Variants in SPDYE4 observed in about 807,000 individuals in gnomAD.
SPDYE4 encodes speedy/RINGO cell cycle regulator family member E4.
Under a neutral mutation model 37.5 loss-of-function variants are expected in SPDYE4, and 30 were observed. The ratio of observed to expected loss-of-function variants is 0.80; its 90% CI spans 0.60 to 1.09. The LOEUF is 1.09. Ranked by LOEUF, SPDYE4 falls within the 50% of genes least tolerant of loss-of-function variation. The pLI is 0.00. For synonymous variants in SPDYE4, 131 were observed against 120.3 expected, an observed-to-expected ratio of 1.09 and a Z score of -0.58; for missense variants, 300 against 307.9, an observed-to-expected ratio of 0.97 and a Z score of 0.19.
At chr17:8,748,299 C>T, downstream of SPDYE4, among the ~76,000 whole-genome samples, 1 of 152,264 alleles carries the variant, frequency 6.6e-6, no homozygotes. Context: ...CTTTCTCTCT[C>T]TTTGCTCTCT....
chr17:8,756,448 G>A lies in SPDYE4; in HGVS notation c.341-12C>T, dbSNP rs751306597. 1 of 1,613,852 alleles carries A rather than the reference G, an allele frequency of 6.2e-7. No homozygotes were observed. Among genetic ancestry groups the A allele is most frequent in the Non-Finnish European group, 8.5e-7 (1 of 1,179,778 alleles). On this transcript the variant is annotated splice_polypyrimidine_tract_variant and intron_variant, in intron 2 of 6. Coordinates refer to ENST00000689094, the MANE Select transcript of SPDYE4 (RefSeq NM_001394956.1). ...AACGACAGGATCCCCTGTGAAAAGA[G>A]AGCCTGTGTCAGGGTGAGAAGTGGA...
chr17:8,755,424 A>C, intron 4 of SPDYE4, 96 bp downstream of exon 4: 1 of 1,393,576 alleles, frequency 7.2e-7, no homozygotes, highest in Admixed American at 1.9e-5. Context: ...AAAGAGGAGA[A>C]GTAGGGTAAA....
chr17:8,755,412 G>C, intron 4 of SPDYE4, 108 bp downstream of exon 4: 2 of 1,320,922 alleles, frequency 1.5e-6, no homozygotes, highest in Non-Finnish European at 2.1e-6. Context: ...TATATACAGA[G>C]TAAAGAGGAG....
Position 8,757,465 on chromosome 17 carries a change from G to C in SPDYE4, c.137C>G (p.Pro46Arg), listed in dbSNP as rs1047890478. 74 of 1,606,482 alleles carry C rather than the reference G, an allele frequency of 4.6e-5. No homozygotes were observed. Among genetic ancestry groups the C allele is most frequent in the Non-Finnish European group, 5.9e-5 (69 of 1,176,370 alleles). Residue 46 changes from proline (P) to arginine (R), a missense_variant, in exon 2 of 7, where the codon CCT becomes CGT. By Grantham distance (103) the Pro-to-Arg change is moderately radical. Transcript: ENST00000689094. ...CTTCCTTTTCAGGCCAAGGGATTGAGGCTGGGGGCTGGGATCTATCCAAGG... is the reference window on the plus strand; with the variant it reads ...CTTCCTTTTCAGGCCAAGGGATTGACGCTGGGGGCTGGGATCTATCCAAGG... Reference protein sequence around the residue: ...SAPWIDPSPQPQSLGLKRKSE... With the variant: ...SAPWIDPSPQRQSLGLKRKSE...
intron 6 of SPDYE4, among the ~76,000 whole-genome samples, 172 bp from the exon 7 acceptor site, chr17:8,752,409 A>G (rs2086734408): frequency 6.6e-6 from 1 of 152,116 alleles, no homozygotes; most frequent in Non-Finnish European, 1.5e-5. Context: ...TGATTCTGGT[A>G]CTCACACTTT....
At chr17:8,750,325 G>T (rs2086719239), downstream of SPDYE4, among the ~76,000 whole-genome samples, 1 of 152,058 alleles carries the variant, frequency 6.6e-6, no homozygotes, top group Non-Finnish European at 1.5e-5. Flanking sequence ...GGAGGTGGAG[G>T]TTGCAGTGAG....
downstream of SPDYE4, among the ~76,000 whole-genome samples, chr17:8,750,069 C>A (rs1426772225): frequency 6.6e-6 from 1 of 152,158 alleles, no homozygotes; most frequent in Non-Finnish European, 1.5e-5. Flanking sequence ...ACCCGAGATA[C>A]TTCCCTCCTG....
chr17:8,748,962 C>A (rs1353664030), downstream of SPDYE4, among the ~76,000 whole-genome samples: 1 of 152,176 alleles, frequency 6.6e-6, no homozygotes, highest in Non-Finnish European at 1.5e-5. Flanking sequence ...GCTTTCCCTC[C>A]TTCTAGGCTT....
chr17:8,757,137 C>T, intron 2 of SPDYE4, 125 bp downstream of exon 2: 2 of 843,854 alleles, frequency 2.4e-6, no homozygotes, highest in Non-Finnish European at 3.7e-6. Context: ...TAAGCATCCT[C>T]CTCCTGCATG....
intron 6 of SPDYE4, among the ~76,000 whole-genome samples, chr17:8,752,802 T>C (rs2086737980): frequency 6.6e-6 from 1 of 152,148 alleles, no homozygotes; most frequent in African/African-American, 2.4e-5. Context: ...ACCTAGGTAG[T>C]ATTCTCATTT....
rs2151146202 is a variant in SPDYE4 at position 8,757,461 on chromosome 17, T to C, written c.141A>G (p.Gln47=). Residue 47 remains glutamine (Q), a synonymous_variant, in exon 2 of 7, where the codon CAA becomes CAG. Coordinates refer to ENST00000689094, the MANE Select transcript of SPDYE4 (RefSeq NM_001394956.1). ...CGCTCTTCCTTTTCAGGCCAAGGGA[T>C]TGAGGCTGGGGGCTGGGATCTATCC... ...APWIDPSPQP[Q]SLGLKRKSEW... is the part of the protein sequence containing the mutation. 6.2e-7 allele frequency: 1 copy of C among 1,606,326 alleles called. No homozygotes were observed. Among genetic ancestry groups the C allele is most frequent in the Non-Finnish European group, 8.5e-7 (1 of 1,176,240 alleles).
intron 3 of SPDYE4, among the ~76,000 whole-genome samples, chr17:8,755,858 A>G (rs2086768018): frequency 6.6e-6 from 1 of 151,708 alleles, no homozygotes; most frequent in Non-Finnish European, 1.5e-5. Flanking sequence ...CTGGAGGGAG[A>G]GTGTCTAGGG....
chr17:8,754,419 A>T (rs1028943247), intron 4 of SPDYE4, among the ~76,000 whole-genome samples: 1 of 152,134 alleles, frequency 6.6e-6, no homozygotes, highest in Non-Finnish European at 1.5e-5. Context: ...ACTAAAAATC[A>T]TAAAAACTGG....
At chr17:8,752,475 G>A (rs1048481419) in intron 6 of SPDYE4, among the ~76,000 whole-genome samples, 1 of 152,160 alleles carries the variant, frequency 6.6e-6, no homozygotes, top group Non-Finnish European at 1.5e-5. Flanking sequence ...CCAGTGATCT[G>A]CTTCATAGCA....
In SPDYE4 at chr17:8,755,540, G is replaced by A. The variant is rs1432157889; in HGVS notation, c.465C>T (p.Arg155=). 3 of 1,611,884 alleles carry A rather than the reference G, an allele frequency of 1.9e-6. No homozygotes were observed. The highest frequency in any genetic ancestry group is 2.7e-5 in the African/African-American group (2 of 74,972). ...CTCACAGAGCCAGGAAGAAATGAAT[G>A]CGTTGGTATTGCCACGAGAAGAGGC... is the stretch of plus-strand genomic sequence containing the variant. ...RAGLFSWQYQ[R]IHFFLALYLA... The change falls in exon 4 of 7, where the codon CGC becomes CGT. Residue 155 remains arginine (R), a synonymous_variant. Coordinates refer to ENST00000689094, the MANE Select transcript of SPDYE4 (RefSeq NM_001394956.1).
At chr17:8,752,928 T>C (rs1411431162) in intron 6 of SPDYE4, among the ~76,000 whole-genome samples, 166 bp downstream of exon 6, 1 of 152,032 alleles carries the variant, frequency 6.6e-6, no homozygotes, top group African/African-American at 2.4e-5. Context: ...TCCTGAGTAG[T>C]GGGGACTAGA....
chr17:8,754,715 G>A (rs576609194), intron 4 of SPDYE4, among the ~76,000 whole-genome samples: 22 of 152,354 alleles, frequency 1.4e-4, no homozygotes, highest in Non-Finnish European at 2.9e-4. Context: ...CTAAAGTGCT[G>A]TGGGCGTGCA....
At chr17:8,749,796 G>A (rs996182684), downstream of SPDYE4, among the ~76,000 whole-genome samples, 7 of 152,156 alleles carry the variant, frequency 4.6e-5, no homozygotes, top group Admixed American at 1.3e-4. Context: ...TTGCACAAAC[G>A]CTTCTCAAAT....
In SPDYE4 at chr17:8,753,203, A is replaced by G. The variant is rs181929036; in HGVS notation, c.655-6T>C. The G allele has an allele frequency of 2.3e-3, 3,681 of 1,613,932 alleles. 63 individuals are homozygous for G. The African/African-American group carries it at 0.04, about 17-fold the overall frequency. The stretch of plus-strand genomic sequence containing the variant: ...TCTGGGTCATAAGCCTGGATCTGGA[A>G]AAACACACACCACTTGAGAAGCCAG... On this transcript the variant is annotated splice_region_variant and splice_polypyrimidine_tract_variant and intron_variant, in intron 5 of 6. Transcript: ENST00000689094.
Sources: allele counts gnomAD v4.1 joint callset (sites outside exome capture counted in the v4.1 genomes callset), GRCh38; gene constraint gnomAD v4.1.1; transcripts MANE v1.5; gene names NCBI Gene and HGNC (gene_info 2026-07-23, HGNC 2026-07-21).